The following PLXNA2 variants were observed in gnomAD, a reference collection of about 807,000 sequenced individuals.
PLXNA2 encodes plexin-A2.
In PLXNA2, 91 loss-of-function variants were observed where a neutral mutation model predicts 193.5. The ratio of observed to expected loss-of-function variants is 0.47; its 90% CI spans 0.40 to 0.56. PLXNA2 has a LOEUF of 0.56. Ranked by LOEUF, PLXNA2 falls within the 20% of genes least tolerant of loss-of-function variation. The pLI, the probability that PLXNA2 is intolerant of heterozygous loss-of-function variation, is 0.00. For missense variants in PLXNA2, 1,995 were observed against 2,503.2 expected, an observed-to-expected ratio of 0.80 and a Z score of 4.33; for synonymous variants, 997 against 1,027.3, an observed-to-expected ratio of 0.97 and a Z score of 0.56.
At chr1:208,214,338 T>C (rs1009986334) in intron 2 of PLXNA2, among the ~76,000 whole-genome samples, 18 of 152,156 alleles carry the variant, frequency 1.2e-4, no homozygotes, top group African/African-American at 4.3e-4. Flanking sequence ...AAGAAGACAA[T>C]ATTATCTCTA....
At chr1:208,040,963 G>A (rs1175431612) in intron 22 of PLXNA2, among the ~76,000 whole-genome samples, 1 of 152,204 alleles carries the variant, frequency 6.6e-6, no homozygotes, top group Non-Finnish European at 1.5e-5. Context: ...CCTGCACGTG[G>A]TGCAAATTAT....
At chr1:208,031,307 G>A (rs1350371717) in intron 29 of PLXNA2, 3 of 1,264,022 alleles carry the variant, frequency 2.4e-6, no homozygotes, top group South Asian at 1.9e-5. Context: ...AGAGCCAGGG[G>A]AGGAGGCTCT....
chr1:208,156,915 T>C (rs1482563783), intron 3 of PLXNA2, among the ~76,000 whole-genome samples: 1 of 152,216 alleles, frequency 6.6e-6, no homozygotes, highest in African/African-American at 2.4e-5. Context: ...CTCATATACT[T>C]ATTTTTCAGC....
intron 12 of PLXNA2, among the ~76,000 whole-genome samples, chr1:208,067,121 G>A (rs1400759194): frequency 6.6e-6 from 1 of 152,096 alleles, no homozygotes; most frequent in Admixed American, 6.5e-5. Context: ...GAGGCAGGCG[G>A]ATCACCTGAG....
chr1:208,171,568 G>A (rs1669495633), intron 3 of PLXNA2, among the ~76,000 whole-genome samples: 1 of 152,210 alleles, frequency 6.6e-6, no homozygotes. Flanking sequence ...GATGGCTCAT[G>A]CCTCATCCCA....
At chr1:208,237,092 G>A (rs923833336) in intron 1 of PLXNA2, among the ~76,000 whole-genome samples, 4 of 152,170 alleles carry the variant, frequency 2.6e-5, no homozygotes, top group African/African-American at 9.7e-5. Flanking sequence ...TGGACAGAAA[G>A]CTTAAAGCAG....
chr1:208,182,094 A>G (rs1669861118), intron 3 of PLXNA2, among the ~76,000 whole-genome samples: 1 of 152,174 alleles, frequency 6.6e-6, no homozygotes, highest in African/African-American at 2.4e-5. Context: ...AGACAAAAGG[A>G]ATCAAACCAG....
At chr1:208,224,447 C>T (rs1671449124) in intron 1 of PLXNA2, among the ~76,000 whole-genome samples, 2 of 151,204 alleles carry the variant, frequency 1.3e-5, no homozygotes, top group Admixed American at 1.3e-4. Flanking sequence ...TAGTCTTTTT[C>T]TTATTTCAGC....
intron 3 of PLXNA2, among the ~76,000 whole-genome samples, chr1:208,182,990 T>C (rs1163919635): frequency 6.6e-6 from 1 of 152,194 alleles, no homozygotes; most frequent in East Asian, 1.9e-4. Flanking sequence ...GCTTTTCCTC[T>C]CTCTTCCTCC....
intron 13 of PLXNA2, among the ~76,000 whole-genome samples, chr1:208,055,180 A>G (rs1161981874): frequency 6.6e-6 from 1 of 152,144 alleles, no homozygotes; most frequent in Admixed American, 6.5e-5. Flanking sequence ...TCACTTCATC[A>G]AGGGCTGAGC....
intron 3 of PLXNA2, among the ~76,000 whole-genome samples, chr1:208,164,054 C>T (rs890933890): frequency 3.3e-5 from 5 of 152,202 alleles, no homozygotes; most frequent in South Asian, 2.1e-4. Flanking sequence ...TGGGTTCTGA[C>T]GCTTCCATAC....
At chr1:208,242,660 C>G (rs1337990280) in intron 1 of PLXNA2, among the ~76,000 whole-genome samples, 1 of 152,206 alleles carries the variant, frequency 6.6e-6, no homozygotes, top group Non-Finnish European at 1.5e-5. Context: ...ATCCAACTTC[C>G]TCCCCACCAT....
chr1:208,113,034 T>C (rs1571930922), intron 4 of PLXNA2, among the ~76,000 whole-genome samples: 1 of 145,644 alleles, frequency 6.9e-6, no homozygotes, highest in South Asian at 2.2e-4. Flanking sequence ...ACAGAGATGC[T>C]GATACTGTGT....
At chr1:208,070,234 C>A (rs1301091880) in intron 12 of PLXNA2, among the ~76,000 whole-genome samples, 1 of 152,254 alleles carries the variant, frequency 6.6e-6, no homozygotes, top group East Asian at 1.9e-4. Flanking sequence ...AAGTGCATAG[C>A]CAGGACTTAA....
At chr1:208,103,034 C>T (rs1294087030) in intron 5 of PLXNA2, 113 bp downstream of exon 5, 4 of 740,402 alleles carry the variant, frequency 5.4e-6, no homozygotes, top group Non-Finnish European at 6.9e-6. Context: ...ATTAGAATTA[C>T]TGCTCTGAAG....
intron 3 of PLXNA2, among the ~76,000 whole-genome samples, chr1:208,176,487 G>C (rs1185379183): frequency 6.6e-6 from 1 of 152,174 alleles, no homozygotes; most frequent in African/African-American, 2.4e-5. Flanking sequence ...GAGTTAGGTA[G>C]GTACAGGTTG....
chr1:208,029,378 C>T, intron 29 of PLXNA2: 7 of 1,093,188 alleles, frequency 6.4e-6, no homozygotes, highest in Non-Finnish European at 7.8e-6. Context: ...AGCACATTTT[C>T]TCAGGGCTTC....
At chr1:208,077,825 C>T (rs1007859454) in intron 12 of PLXNA2, among the ~76,000 whole-genome samples, 1 of 152,154 alleles carries the variant, frequency 6.6e-6, no homozygotes, top group Non-Finnish European at 1.5e-5. Flanking sequence ...ATTGAAGTAG[C>T]TCTGTCTTTG....
chr1:208,049,799 TC>T (rs758299807), intron 17 of PLXNA2, among the ~76,000 whole-genome samples: 4 of 152,226 alleles, frequency 2.6e-5, no homozygotes, highest in Admixed American at 6.5e-5. Flanking sequence ...TCTCTGTGTT[TC>T]TTATGGAAGC....
Sources: gnomAD v4.1 joint callset for allele counts (sites outside exome capture counted in the v4.1 genomes callset) on GRCh38, gnomAD v4.1.1 for gene constraint, MANE v1.5 for transcripts, NCBI Gene and HGNC (gene_info 2026-07-23, HGNC 2026-07-21) for gene names.